GPC5: variants seen among roughly 807,000 people sequenced by gnomAD.
GPC5 encodes glypican-5.
GPC5 carries 47 observed loss-of-function variants against 53.9 expected under a neutral mutation model. That is an observed-to-expected ratio of 0.87 (90% CI 0.69 to 1.11). The LOEUF is 1.11. GPC5 is among the 50% of genes most tolerant of loss of function. The pLI, the probability that GPC5 is intolerant of heterozygous loss-of-function variation, is 0.00. For missense variants in GPC5, 748 were observed against 713.1 expected, an observed-to-expected ratio of 1.05 and a Z score of -0.56; for synonymous variants, 286 against 263.3, an observed-to-expected ratio of 1.09 and a Z score of -0.84.
intron 7 of GPC5, among the ~76,000 whole-genome samples, chr13:92,314,095 TGGA>T (rs1296208755): frequency 6.6e-6 from 1 of 152,120 alleles, no homozygotes; most frequent in Non-Finnish European, 1.5e-5. Context: ...GTGAGACAAA[TGGA>T]GGAGAGAATT....
chr13:91,488,520 T>C (rs1057077960), intron 2 of GPC5, among the ~76,000 whole-genome samples: 1 of 152,208 alleles, frequency 6.6e-6, no homozygotes, highest in Admixed American at 6.5e-5. Context: ...AAATTAATAC[T>C]TTTATAATTT....
intron 7 of GPC5, among the ~76,000 whole-genome samples, chr13:92,382,113 G>T (rs1199769152): frequency 1.3e-5 from 2 of 151,462 alleles, no homozygotes; most frequent in African/African-American, 2.4e-5. Context: ...AGTAACTCAG[G>T]TATGGAAAAA....
chr13:91,589,908 G>T (rs2032734506), intron 2 of GPC5, among the ~76,000 whole-genome samples: 1 of 151,974 alleles, frequency 6.6e-6, no homozygotes, highest in South Asian at 2.1e-4. Flanking sequence ...CTTCTATGGA[G>T]AAATTATATT....
At chr13:92,249,349 T>A (rs372575762) in intron 7 of GPC5, among the ~76,000 whole-genome samples, 1 of 152,128 alleles carries the variant, frequency 6.6e-6, no homozygotes, top group African/African-American at 2.4e-5. Context: ...TATGATACTT[T>A]CTTTGAACAG....
At chr13:92,301,285 G>A (rs2043073534) in intron 7 of GPC5, among the ~76,000 whole-genome samples, 1 of 152,180 alleles carries the variant, frequency 6.6e-6, no homozygotes, top group Non-Finnish European at 1.5e-5. Context: ...TTCTTGAAGA[G>A]ATGGAATCTT....
chr13:91,998,809 CTTA>C (rs904689508), intron 6 of GPC5, among the ~76,000 whole-genome samples: 2 of 152,072 alleles, frequency 1.3e-5, no homozygotes, highest in African/African-American at 4.8e-5. Context: ...GTAATGAGGG[CTTA>C]TTATTTTTTG....
chr13:91,993,607 T>C (rs760083571), intron 6 of GPC5, among the ~76,000 whole-genome samples: 2 of 152,240 alleles, frequency 1.3e-5, no homozygotes, highest in Admixed American at 6.5e-5. Flanking sequence ...TGTGTCTGTG[T>C]GTGTGCACGC....
intron 7 of GPC5, among the ~76,000 whole-genome samples, chr13:92,503,146 A>G (rs772520467): frequency 7.9e-5 from 12 of 151,952 alleles, no homozygotes; most frequent in Non-Finnish European, 1.6e-4. Context: ...TATATGGTAT[A>G]GTGATGAAGT....
intron 5 of GPC5, among the ~76,000 whole-genome samples, chr13:91,763,786 G>A (rs972438435): frequency 6.6e-5 from 10 of 151,790 alleles, no homozygotes; most frequent in Non-Finnish European, 1.5e-4. Flanking sequence ...TCATGGTTTG[G>A]GTCTATAACA....
intron 5 of GPC5, among the ~76,000 whole-genome samples, chr13:91,760,715 A>G (rs1594533622): frequency 6.6e-6 from 1 of 152,328 alleles, no homozygotes; most frequent in Non-Finnish European, 1.5e-5. Flanking sequence ...TAGGAGAGCC[A>G]TACAGACTAT....
At chr13:91,463,626 C>CA (rs759285206) in intron 2 of GPC5, among the ~76,000 whole-genome samples, 7 of 151,576 alleles carry the variant, frequency 4.6e-5, no homozygotes, top group Non-Finnish European at 8.8e-5. Context: ...AGAGAACCCA[C>CA]AACAGACCTA....
intron 7 of GPC5, among the ~76,000 whole-genome samples, chr13:92,390,325 CTATAAAAAAGAAAATACGGTTTGTGG>C (rs1874935445): frequency 1.3e-5 from 2 of 152,014 alleles, no homozygotes; most frequent in African/African-American, 4.8e-5. Flanking sequence ...AACCATCAGC[CTATAAAAAAGAAAATACGGTTTGTGG>C]GCACGTTTTG....
chr13:91,735,141 T>G lies in GPC5; in HGVS notation c.1154+6476T>G, dbSNP rs1202479320. On this transcript the variant is annotated intron_variant, in intron 4 of 7. Transcript: ENST00000377067. ...ACTTTGATATCAAGGTTATCAAGTTTTCTTTTTTGTTTAAAATTTCTTGCC... is the reference window on the plus strand; with the variant it reads ...ACTTTGATATCAAGGTTATCAAGTTGTCTTTTTTGTTTAAAATTTCTTGCC... Among the ~76,000 whole-genome samples, 2 of 151,344 alleles carry G rather than the reference T, an allele frequency of 1.3e-5. 1 individual carries two copies. Among genetic ancestry groups the G allele is most frequent in the African/African-American group, 4.9e-5 (2 of 40,774 alleles).
At chr13:92,710,064 A>G (rs1177843530) in intron 7 of GPC5, among the ~76,000 whole-genome samples, 1 of 152,250 alleles carries the variant, frequency 6.6e-6, no homozygotes, top group Non-Finnish European at 1.5e-5. Context: ...GCAGAAAAAG[A>G]CACCAGAGAA....
chr13:92,017,981 TACAC>T lies in GPC5; in HGVS notation c.1401+109937_1401+109940del, dbSNP rs141949784. Among the ~76,000 whole-genome samples the T allele has an allele frequency of 1.0e-3, 151 of 148,146 alleles. 1 individual carries two copies. The highest frequency in any genetic ancestry group is 3.5e-3 in the African/African-American group (140 of 40,220). On this transcript the variant is annotated intron_variant, in intron 6 of 7. Transcript: ENST00000377067. ...CGAGTACATACACGTGCAGCACGAG[TACAC>T]ACACACACACACGAGTACACACATA...
chr13:91,638,877 G>A (rs1053628718), intron 2 of GPC5, among the ~76,000 whole-genome samples: 68 of 152,262 alleles, frequency 4.5e-4, no homozygotes, highest in African/African-American at 1.5e-3. Flanking sequence ...TAATCTGTAT[G>A]TTAAGCTGAG....
chr13:92,291,113 T>C (rs2042991768), intron 7 of GPC5, among the ~76,000 whole-genome samples: 1 of 152,288 alleles, frequency 6.6e-6, no homozygotes, highest in African/African-American at 2.4e-5. Flanking sequence ...CAGCCCGCCA[T>C]GCCTGAGCCT....
intron 1 of GPC5, among the ~76,000 whole-genome samples, chr13:91,435,944 A>G (rs950997685): frequency 3.9e-5 from 6 of 151,986 alleles, no homozygotes; most frequent in Non-Finnish European, 7.4e-5. Context: ...GAATTTATCC[A>G]TTTCTTCTAG....
At chr13:91,571,887 G>GTT (rs2031849830) in intron 2 of GPC5, among the ~76,000 whole-genome samples, 1 of 63,488 alleles carries the variant, frequency 1.6e-5, no homozygotes, top group Non-Finnish European at 2.6e-5. Context: ...ACACATATAC[G>GTT]TGTGTATATA....
Sources: gnomAD v4.1 joint callset for allele counts (sites outside exome capture counted in the v4.1 genomes callset) on GRCh38, gnomAD v4.1.1 for gene constraint, MANE v1.5 for transcripts, NCBI Gene and HGNC (gene_info 2026-07-23, HGNC 2026-07-21) for gene names.